CADPS: variants seen among roughly 807,000 people sequenced by gnomAD.
CADPS encodes the protein calcium-dependent secretion activator 1.
In CADPS, 57 loss-of-function variants were observed where a neutral mutation model predicts 167.3. That is an observed-to-expected ratio of 0.34 (90% CI 0.28 to 0.42). The LOEUF (loss-of-function observed/expected upper bound fraction) is 0.42. CADPS is among the 20% of genes least tolerant of loss of function. CADPS has a pLI of 1.00. For synonymous variants in CADPS, 676 were observed against 635.3 expected (o/e 1.06, Z -0.96); for missense variants, 1,414 against 1,738.1 (o/e 0.81, Z 3.32).
chr3:62,707,429 T>A (rs1372859464), intron 3 of CADPS, among the ~76,000 whole-genome samples: 1 of 152,104 alleles, frequency 6.6e-6, no homozygotes, highest in Non-Finnish European at 1.5e-5. Context: ...TAGGACTACA[T>A]CACCATTATA....
chr3:62,585,612 T>C (rs1343000150), intron 7 of CADPS, among the ~76,000 whole-genome samples: 2 of 152,238 alleles, frequency 1.3e-5, no homozygotes, highest in Admixed American at 1.3e-4. Context: ...GAGAATATTG[T>C]CCACACATTA....
rs181696100 is a variant in CADPS, at chr3:62,749,707, C to G, written c.888+3734G>C. 2.3e-4 allele frequency among the ~76,000 whole-genome samples: 35 copies of G among 152,276 alleles called. 2 individuals are homozygous for G. Among genetic ancestry groups the G allele is most frequent in the African/African-American group, 7.2e-4 (30 of 41,558 alleles). On this transcript the variant is annotated intron_variant, in intron 3 of 29. Coordinates refer to ENST00000383710, the MANE Select transcript of CADPS (RefSeq NM_003716.4). ...CATGACAGGTATACTATCTTTGCTG[C>G]CTGTCTACATACAGCCTGCCAGCAA...
chr3:62,658,316 T>G (rs2072251698), intron 4 of CADPS, among the ~76,000 whole-genome samples: 2 of 152,020 alleles, frequency 1.3e-5, no homozygotes, highest in Non-Finnish European at 2.9e-5. Flanking sequence ...ACACATTTAA[T>G]AAAGGACTGA....
Position 62,703,994 on chromosome 3 carries a change from G to A in CADPS, c.889-41600C>T, listed in dbSNP as rs187249376. ...AGCAATGTCAACTCACCATGCTGCA[G>A]GACTTAACTCTGACTTCATTCCTTC... is the stretch of plus-strand genomic sequence containing the variant. On this transcript the variant is annotated intron_variant, in intron 3 of 29. Transcript: ENST00000383710. Among the ~76,000 whole-genome samples, 14 of 152,212 alleles carry A rather than the reference G, an allele frequency of 9.2e-5. No individual in the cohort carries two copies. The East Asian group carries it at 2.7e-3, about 29-fold the overall frequency.
At chr3:62,481,397 C>G (rs562823069) in intron 22 of CADPS, among the ~76,000 whole-genome samples, 3 of 152,326 alleles carry the variant, frequency 2.0e-5, no homozygotes, top group East Asian at 3.9e-4. Flanking sequence ...AAGAGGTTTC[C>G]TCCACTATTT....
At chr3:62,523,786 G>A (rs1251273689) in intron 13 of CADPS, among the ~76,000 whole-genome samples, 1 of 152,234 alleles carries the variant, frequency 6.6e-6, no homozygotes, top group African/African-American at 2.4e-5. Context: ...TCCAGCTGAA[G>A]AGGGAATATA....
chr3:62,662,238 G>T, intron 4 of CADPS, 76 bp downstream of exon 4: 1 of 1,198,608 alleles, frequency 8.3e-7, no homozygotes, highest in Non-Finnish European at 1.2e-6. Flanking sequence ...ATCCTTTAGA[G>T]GCTGTCAATA....
At chr3:62,628,138 A>G (rs906775409) in intron 6 of CADPS, among the ~76,000 whole-genome samples, 1 of 152,188 alleles carries the variant, frequency 6.6e-6, no homozygotes, top group Non-Finnish European at 1.5e-5. Context: ...TCCCGTAAGC[A>G]TATCCAGATT....
chr3:62,672,947 A>C (rs779986981), intron 3 of CADPS, among the ~76,000 whole-genome samples: 4 of 152,164 alleles, frequency 2.6e-5, no homozygotes, highest in Non-Finnish European at 5.9e-5. Context: ...ACAGTAAATC[A>C]TTAACCCAAA....
At chr3:62,511,920 C>T (rs1382041577) in intron 17 of CADPS, among the ~76,000 whole-genome samples, 1 of 152,168 alleles carries the variant, frequency 6.6e-6, no homozygotes, top group African/African-American at 2.4e-5. Context: ...GAATAAATGA[C>T]TGAATAAATA....
intron 18 of CADPS, 22 bp downstream of exon 18, chr3:62,499,140 A>G (rs1176240703): frequency 1.3e-6 from 2 of 1,498,356 alleles, no homozygotes; most frequent in South Asian, 2.3e-5. Flanking sequence ...AGTAAGATAC[A>G]CTTCCCACCA....
intron 26 of CADPS, among the ~76,000 whole-genome samples, chr3:62,463,305 A>G (rs2059590047): frequency 6.6e-6 from 1 of 152,158 alleles, no homozygotes; most frequent in African/African-American, 2.4e-5. Context: ...TAAAGAGTAG[A>G]GGAGCTTTCC....
chr3:62,436,794 G>A (rs1021096928), intron 28 of CADPS, among the ~76,000 whole-genome samples: 20 of 152,124 alleles, frequency 1.3e-4, no homozygotes, highest in African/African-American at 4.3e-4. Flanking sequence ...AGTAAGAAGG[G>A]TTTTGTCGAG....
At chr3:62,849,936 T>C (rs1577296650) in intron 1 of CADPS, among the ~76,000 whole-genome samples, 1 of 117,232 alleles carries the variant, frequency 8.5e-6, no homozygotes, top group East Asian at 2.4e-4. Context: ...AAACTATTGA[T>C]TATTGCCACA....
chr3:62,409,189 G>T (rs941553683), intron 28 of CADPS, among the ~76,000 whole-genome samples: 1 of 152,216 alleles, frequency 6.6e-6, no homozygotes, highest in African/African-American at 2.4e-5. Context: ...ACTAGTAAGT[G>T]GTGGGACAAG....
At chr3:62,556,201 T>C (rs1168180124) in intron 10 of CADPS, among the ~76,000 whole-genome samples, 1 of 152,226 alleles carries the variant, frequency 6.6e-6, no homozygotes, top group African/African-American at 2.4e-5. Context: ...TGAAATTGTT[T>C]GTTTCAAACT....
intron 1 of CADPS, among the ~76,000 whole-genome samples, chr3:62,822,367 G>A (rs1194186701): frequency 6.6e-6 from 1 of 152,158 alleles, no homozygotes; most frequent in East Asian, 1.9e-4. Context: ...TACACTCCAT[G>A]AGGGTAGAGA....
intron 25 of CADPS, 62 bp downstream of exon 25, chr3:62,466,277 G>T: frequency 8.7e-7 from 1 of 1,151,762 alleles, no homozygotes; most frequent in Non-Finnish European, 1.3e-6. Flanking sequence ...CATTTTAATG[G>T]AAATGGAGAC....
At chr3:62,497,392 C>A (rs2064998314) in intron 18 of CADPS, among the ~76,000 whole-genome samples, 1 of 152,168 alleles carries the variant, frequency 6.6e-6, no homozygotes, top group Admixed American at 6.5e-5. Context: ...GAGCCTCAAC[C>A]ACTCAGATCA....
Sources: allele counts gnomAD v4.1 joint callset (sites outside exome capture counted in the v4.1 genomes callset), GRCh38; gene constraint gnomAD v4.1.1; transcripts MANE v1.5; gene names NCBI Gene and HGNC (gene_info 2026-07-23, HGNC 2026-07-21).